Variants in WSCD2 observed in about 807,000 individuals in gnomAD.
The protein encoded by WSCD2 is WSC domain sialate O sulfotransferase 2.
A neutral mutation model predicts 55.7 loss-of-function variants in WSCD2; 28 were observed. The observed-to-expected ratio is 0.50, with a 90% confidence interval of 0.37 to 0.69. The LOEUF is 0.69. WSCD2 is among the 30% of genes least tolerant of loss of function. WSCD2 has a pLI of 0.00. For synonymous variants in WSCD2, 301 were observed against 301.9 expected, an observed-to-expected ratio of 1.00 and a Z score of 0.03; for missense variants, 616 against 762.1, an observed-to-expected ratio of 0.81 and a Z score of 2.26.
At position 108,210,357 on chromosome 12, in the gene WSCD2, C is replaced by T. The variant is rs1885997683; in HGVS notation, c.682+52C>T. The T allele has an allele frequency of 2.0e-6, 3 of 1,515,968 alleles. No homozygotes were observed. Among genetic ancestry groups the T allele is most frequent in the Non-Finnish European group, 1.8e-6 (2 of 1,136,208 alleles). The allele number at this position is 1,515,968 out of a possible 1,614,324, so 93.9% of individuals were successfully genotyped here. A position where few individuals can be genotyped will look rare whatever the true frequency, so the allele number is the denominator to read the frequency against. On this transcript the variant is annotated intron_variant, in intron 4 of 8. Transcript: ENST00000547525. The surrounding 1 kb of genome is among the most constrained non-coding windows in gnomAD (Gnocchi z 4.3). ...TGCTGCTCCTCCCTCAGCTGCAGCC[C>T]TTGCCCACCAAAGAGTCCCACATGT...
chr12:108,140,190 G>A (rs971190600), intron 1 of WSCD2, among the ~76,000 whole-genome samples: 3 of 152,162 alleles, frequency 2.0e-5, no homozygotes, highest in African/African-American at 7.2e-5. Flanking sequence ...GTGGCCTTGG[G>A]CTGTGAGTTA....
At position 108,250,171 on chromosome 12, in the gene WSCD2, A is replaced by AGT. The variant is rs372802789; in HGVS notation, c.*1855_*1856dup. The AGT allele has an allele frequency of 0.21, 31,461 of 146,424 alleles. 3,250 individuals are homozygous for AGT. Among genetic ancestry groups the AGT allele is most frequent in the Middle Eastern group, 0.25 (73 of 288 alleles). The allele number at this position is 146,424 out of a possible 1,614,324, so 9.1% of individuals were successfully genotyped here. On this transcript the variant is annotated 3_prime_UTR_variant, in exon 9 of 9. Coordinates refer to ENST00000547525, the MANE Select transcript of WSCD2 (RefSeq NM_014653.4). ...AGGTTCACAAATGGGATGTTTTCCT[A>AGT]GTGTGTGTGTGTGTGTGTGTGTGTG...
intron 1 of WSCD2, among the ~76,000 whole-genome samples, chr12:108,182,857 A>G (rs1945281438): frequency 6.6e-6 from 1 of 151,182 alleles, no homozygotes; most frequent in African/African-American, 2.4e-5. Flanking sequence ...TTTTCCTTGC[A>G]CAGAACGGAC....
At chr12:108,203,155 C>T (rs1203395264) in intron 2 of WSCD2, among the ~76,000 whole-genome samples, 1 of 152,200 alleles carries the variant, frequency 6.6e-6, no homozygotes, top group African/African-American at 2.4e-5. Context: ...GTTAGTGCTC[C>T]CCCTACCCTG....
chr12:108,186,901 C>G (rs10778614), intron 1 of WSCD2, among the ~76,000 whole-genome samples: 1 of 151,926 alleles, frequency 6.6e-6, no homozygotes, highest in Non-Finnish European at 1.5e-5. Context: ...CTTGGTCCTA[C>G]GAGATCAAGG....
intron 1 of WSCD2, chr12:108,149,989 C>T (rs960639912): frequency 2.6e-5 from 4 of 152,044 alleles, no homozygotes; most frequent in Non-Finnish European, 5.9e-5. Context: ...GGATGCTTGG[C>T]CCAAGAGTTC....
At chr12:108,178,899 G>A (rs897830948) in intron 1 of WSCD2, among the ~76,000 whole-genome samples, 5 of 152,120 alleles carry the variant, frequency 3.3e-5, no homozygotes, top group African/African-American at 1.2e-4. Flanking sequence ...AGTAGTTTGT[G>A]GTAATTATTA....
chr12:108,232,803 G>A lies in WSCD2; in HGVS notation c.1052G>A (p.Gly351Asp). Residue 351 changes from glycine to aspartate, a missense_variant, in exon 7 of 9, where the codon GGT becomes GAT. By Grantham distance (94) the Gly-to-Asp change is moderately conservative. Coordinates refer to ENST00000547525, the MANE Select transcript of WSCD2 (RefSeq NM_014653.4). ...KQLIALASFP[G>D]AGNTWARHLI... ...CTCATTGCTTTGGCCAGCTTCCCAG[G>A]TGCTGGCAACACGTGGGCTCGCCAC... 2 of 1,614,068 alleles carry A rather than the reference G, an allele frequency of 1.2e-6. No individual in the cohort carries two copies. The highest frequency in any genetic ancestry group is 8.5e-7 in the Non-Finnish European group (1 of 1,180,000).
intron 4 of WSCD2, among the ~76,000 whole-genome samples, chr12:108,220,836 C>A (rs2137145282): frequency 6.6e-6 from 1 of 152,212 alleles, no homozygotes; most frequent in African/African-American, 2.4e-5. Context: ...CTGCACCCTG[C>A]CAACATTATA....
intron 1 of WSCD2, among the ~76,000 whole-genome samples, chr12:108,168,931 G>A (rs1416289677): frequency 6.6e-6 from 1 of 152,198 alleles, no homozygotes; most frequent in Non-Finnish European, 1.5e-5. Flanking sequence ...GGGCCACACA[G>A]CAGGAGGTAA....
chr12:108,164,159 T>TTTTTTTTTTTTTTTTTTTTTTTG (rs1470930721), intron 1 of WSCD2, among the ~76,000 whole-genome samples: 1 of 145,462 alleles, frequency 6.9e-6, no homozygotes, highest in African/African-American at 2.5e-5. Context: ...TTTTTTTTTT[T>TTTTTTTTTTTTTTTTTTTTTTTG]TTTCAGAGAG....
chr12:108,232,899 AG>A lies in WSCD2; in HGVS notation c.1144+6del. 6.2e-7 allele frequency: 1 copy of A among 1,608,358 alleles called. No homozygotes were observed. Among genetic ancestry groups the A allele is most frequent in the Non-Finnish European group, 8.5e-7 (1 of 1,175,398 alleles). On this transcript the variant is annotated splice_donor_5th_base_variant and intron_variant, in intron 7 of 8. Coordinates refer to ENST00000547525, the MANE Select transcript of WSCD2 (RefSeq NM_014653.4). ...GATGGCTCCCTCTACAACAAAGGTG[AG>A]GAGATGGCAGGGAGGGCAGGGCAAG...
intron 8 of WSCD2, among the ~76,000 whole-genome samples, chr12:108,246,110 A>G (rs1045725974): frequency 1.3e-5 from 2 of 152,256 alleles, no homozygotes; most frequent in African/African-American, 4.8e-5. Flanking sequence ...TCCTGGAACC[A>G]GGCAGGCCTG....
intron 1 of WSCD2, among the ~76,000 whole-genome samples, chr12:108,175,742 C>T (rs757031593): frequency 3.3e-5 from 5 of 152,176 alleles, no homozygotes; most frequent in Non-Finnish European, 5.9e-5. Flanking sequence ...AGTGAGCAGG[C>T]GTTAATCCTC....
chr12:108,145,309 C>T (rs1877267140), intron 1 of WSCD2, among the ~76,000 whole-genome samples: 1 of 152,218 alleles, frequency 6.6e-6, no homozygotes, highest in Non-Finnish European at 1.5e-5. Context: ...GGCATGTGCT[C>T]TCCAAGCTCC....
At chr12:108,164,139 C>CTTTTTTTTTTTTTT (rs1555224800) in intron 1 of WSCD2, among the ~76,000 whole-genome samples, 3 of 85,310 alleles carry the variant, frequency 3.5e-5, no homozygotes, top group African/African-American at 9.5e-5. Flanking sequence ...ATCTTAAATC[C>CTTTTTTTTTTTTTT]TTTTTTTTTT....
At chr12:108,212,613 T>A (rs10534415) in intron 4 of WSCD2, among the ~76,000 whole-genome samples, 3,611 of 138,550 alleles carry the variant, frequency 0.026, 60 homozygotes, top group African/African-American at 0.061. Context: ...TCTCTCTCTC[T>A]CACACACACA....
rs752799828 is a variant in WSCD2, at chr12:108,227,121, C to T, written c.936C>T (p.Cys312=). 7.4e-6 allele frequency: 12 copies of T among 1,614,142 alleles called. No homozygotes were observed. Among genetic ancestry groups the T allele is most frequent in the South Asian group, 3.3e-5 (3 of 91,076 alleles). ...QKCSAEEFES[C]GTPSYFIVYQ... ...GCAGCGCGGAGGAGTTTGAGAGCTGCGGGACTCCTAGTTACTTCATTGTGT... is the reference window on the plus strand; with the variant it reads ...GCAGCGCGGAGGAGTTTGAGAGCTGTGGGACTCCTAGTTACTTCATTGTGT... Residue 312 remains cysteine (C), a synonymous_variant, in exon 6 of 9, where the codon TGC becomes TGT. Transcript: ENST00000547525.
At chr12:108,240,288 G>A in intron 7 of WSCD2, 56 bp from the exon 8 acceptor site, 2 of 1,600,866 alleles carry the variant, frequency 1.2e-6, no homozygotes, top group Non-Finnish European at 8.5e-7. Context: ...AGAGTGGGGT[G>A]GGCTTCTTGC....
Sources: allele counts gnomAD v4.1 joint callset (sites outside exome capture counted in the v4.1 genomes callset), GRCh38; gene constraint gnomAD v4.1.1; non-coding constraint Gnocchi (gnomAD v3.1); transcripts MANE v1.5; gene names NCBI Gene and HGNC (gene_info 2026-07-23, HGNC 2026-07-21).